Variants in SNRPN observed in about 807,000 individuals in gnomAD.
The protein encoded by SNRPN is small nuclear ribonucleoprotein-associated protein N.
A neutral mutation model predicts 25.2 loss-of-function variants in SNRPN; 7 were observed. The ratio of observed to expected loss-of-function variants is 0.28; its 90% confidence interval spans 0.16 to 0.52. The LOEUF is 0.52. SNRPN is among the 20% of genes least tolerant of loss of function. SNRPN has a pLI of 0.96. For synonymous variants in SNRPN, 124 were observed against 110.6 expected, an observed-to-expected ratio of 1.12 and a Z score of -0.76; for missense variants, 196 against 322.5, an observed-to-expected ratio of 0.61 and a Z score of 3.00.
At chr15:24,834,074 T>G (rs11630764) in intron 2 of SNRPN, among the ~76,000 whole-genome samples, 4 of 151,810 alleles carry the variant, frequency 2.6e-5, no homozygotes, top group Non-Finnish European at 5.9e-5. Context: ...TACAGGCGCC[T>G]GCCACCACAC....
At chr15:24,921,932 C>T (rs2060043865) in intron 3 of SNRPN, among the ~76,000 whole-genome samples, 1 of 151,600 alleles carries the variant, frequency 6.6e-6, no homozygotes, top group African/African-American at 2.4e-5. Flanking sequence ...GGCACGGTGG[C>T]TCACGCCTGT....
chr15:24,973,206 T>G (rs534883568), intron 3 of SNRPN, among the ~76,000 whole-genome samples: 1 of 151,872 alleles, frequency 6.6e-6, no homozygotes, highest in South Asian at 2.1e-4. Context: ...TGTTTAACAT[T>G]GTATTGTGAG....
At chr15:24,881,619 GA>G (rs796109989) in intron 1 of SNRPN, among the ~76,000 whole-genome samples, 11 of 48,122 alleles carry the variant, frequency 2.3e-4, no homozygotes, top group East Asian at 2.1e-3. Flanking sequence ...GAGAGAGAGA[GA>G]AAGTCACAGT....
intron 2 of SNRPN, among the ~76,000 whole-genome samples, chr15:24,915,740 C>T (rs1418964354): frequency 1.3e-5 from 2 of 152,060 alleles, no homozygotes; most frequent in East Asian, 1.9e-4. Context: ...ATAAATTCCT[C>T]GTCTTTTTAT....
chr15:24,848,224 G>T (rs1428472650), intron 2 of SNRPN: 1 of 136,440 alleles, frequency 7.3e-6, no homozygotes, highest in African/African-American at 2.8e-5. Flanking sequence ...GGGGGCGGGG[G>T]CGGCGGTGGG....
At chr15:24,826,495 T>C (rs753152103) in intron 1 of SNRPN, among the ~76,000 whole-genome samples, 1 of 152,152 alleles carries the variant, frequency 6.6e-6, no homozygotes, top group Non-Finnish European at 1.5e-5. Flanking sequence ...GGTTTTTACA[T>C]TGGTTAAGGC....
chr15:24,923,641 C>T (rs1305400216), intron 3 of SNRPN, among the ~76,000 whole-genome samples: 1 of 152,134 alleles, frequency 6.6e-6, no homozygotes, highest in Non-Finnish European at 1.5e-5. Flanking sequence ...AAATAATGAA[C>T]TGTATCTACA....
At chr15:24,956,352 A>AGG (rs1555404301) in intron 1 of SNRPN, among the ~76,000 whole-genome samples, 2 of 72,406 alleles carry the variant, frequency 2.8e-5, no homozygotes, top group Non-Finnish European at 6.0e-5. Flanking sequence ...CAAGCGCTTC[A>AGG]GCGGGGGGGT....
chr15:24,950,896 C>G (rs1002240458), upstream of SNRPN, among the ~76,000 whole-genome samples: 5 of 150,136 alleles, frequency 3.3e-5, no homozygotes, highest in Admixed American at 6.6e-5. Context: ...GAGTCCTGCT[C>G]TGTCGCCCAG....
intron 2 of SNRPN, among the ~76,000 whole-genome samples, chr15:24,908,773 T>G (rs1179068022): frequency 6.6e-6 from 1 of 152,214 alleles, no homozygotes; most frequent in Non-Finnish European, 1.5e-5. Flanking sequence ...GAGTGTTTCC[T>G]TCAATCTATA....
chr15:24,835,654 T>C (rs1329889587), intron 2 of SNRPN, among the ~76,000 whole-genome samples: 9 of 152,082 alleles, frequency 5.9e-5, no homozygotes, highest in Admixed American at 4.6e-4. Flanking sequence ...TTGGTAATTA[T>C]TGGGTCATTT....
At chr15:24,893,695 C>A in intron 2 of SNRPN, among the ~76,000 whole-genome samples, 1 of 122,376 alleles carries the variant, frequency 8.2e-6, no homozygotes, top group Non-Finnish European at 1.7e-5. Flanking sequence ...TAGTACATTC[C>A]CATTAAAAAA....
chr15:24,896,658 G>A (rs2058098599), intron 2 of SNRPN, among the ~76,000 whole-genome samples: 3 of 151,998 alleles, frequency 2.0e-5, no homozygotes, highest in Admixed American at 2.0e-4. Context: ...AGCTTGCAGT[G>A]AGCCGAGATC....
chr15:24,838,619 T>G (rs1418773409), intron 2 of SNRPN, among the ~76,000 whole-genome samples: 2 of 152,048 alleles, frequency 1.3e-5, no homozygotes, highest in East Asian at 3.9e-4. Context: ...ATTGAGCTGG[T>G]GTAGCCAGTT....
intron 1 of SNRPN, among the ~76,000 whole-genome samples, chr15:24,871,170 C>T (rs921936415): frequency 6.6e-5 from 10 of 152,080 alleles, no homozygotes; most frequent in Admixed American, 2.6e-4. Flanking sequence ...GGATTACAGG[C>T]GTGAGCCACC....
At chr15:24,882,382 A>C (rs558033624) in intron 1 of SNRPN, among the ~76,000 whole-genome samples, 1 of 152,210 alleles carries the variant, frequency 6.6e-6, no homozygotes, top group Non-Finnish European at 1.5e-5. Flanking sequence ...TATTTTAGCA[A>C]GCATGATTTT....
chr15:24,886,961 A>T (rs921621353), intron 2 of SNRPN, among the ~76,000 whole-genome samples: 3 of 152,122 alleles, frequency 2.0e-5, no homozygotes, highest in African/African-American at 7.2e-5. Flanking sequence ...CAGGAATGGG[A>T]TGTAAAGTGA....
At chr15:24,876,623 A>C (rs2055913761) in intron 1 of SNRPN, among the ~76,000 whole-genome samples, 1 of 151,994 alleles carries the variant, frequency 6.6e-6, no homozygotes, top group South Asian at 2.1e-4. Context: ...TCTCAAAAAA[A>C]AAAAAAAAAA....
At position 24,883,077 on chromosome 15, in the gene SNRPN, G is replaced by A. The variant is rs528199938; in HGVS notation, c.-578-3439G>A. Among the ~76,000 whole-genome samples, 10 of 152,234 alleles carry A rather than the reference G, an allele frequency of 6.6e-5. No homozygotes were observed. The South Asian group carries it at 2.1e-3, about 32-fold the overall frequency. Reference sequence around the variant, plus strand: ...TCTCAAAGTTCAGTTTCTACTGAATGCTTATCACTGTCACACCATCATAAA... The same window carrying A: ...TCTCAAAGTTCAGTTTCTACTGAATACTTATCACTGTCACACCATCATAAA... On this transcript the variant is annotated intron_variant, in intron 1 of 11. Transcript: ENST00000400097.
Sources: gnomAD v4.1 joint callset for allele counts (sites outside exome capture counted in the v4.1 genomes callset) on GRCh38, gnomAD v4.1.1 for gene constraint, MANE v1.5 for transcripts, NCBI Gene and HGNC (gene_info 2026-07-23, HGNC 2026-07-21) for gene names.